PHACTR1: variants seen among roughly 807,000 people sequenced by gnomAD.
PHACTR1 encodes RPEL repeat containing 1.
PHACTR1 carries 16 observed loss-of-function variants against 69.2 expected under a neutral mutation model. That is an observed-to-expected ratio of 0.23 (90% confidence interval 0.16 to 0.35). The LOEUF is 0.35. PHACTR1 is among the 10% of genes least tolerant of loss of function. The pLI is 1.00. For synonymous variants in PHACTR1, 312 were observed against 284.5 expected, an observed-to-expected ratio of 1.10 and a Z score of -0.97; for missense variants, 510 against 734.7, an observed-to-expected ratio of 0.69 and a Z score of 3.54.
chr6:12,809,541 A>G (rs1774788017), intron 4 of PHACTR1, among the ~76,000 whole-genome samples: 1 of 152,032 alleles, frequency 6.6e-6, no homozygotes, highest in Non-Finnish European at 1.5e-5. Context: ...ACAAAACAAA[A>G]CACAACTCTG....
chr6:13,279,946 T>C (rs1779791452), intron 12 of PHACTR1: 1 of 151,972 alleles, frequency 6.6e-6, no homozygotes, highest in Non-Finnish European at 1.5e-5. Flanking sequence ...AAAAAAAAAG[T>C]TGTTTAAATC....
intron 4 of PHACTR1, among the ~76,000 whole-genome samples, chr6:12,986,500 C>G (rs761312641): frequency 3.3e-5 from 5 of 152,154 alleles, no homozygotes; most frequent in Non-Finnish European, 5.9e-5. Flanking sequence ...AGATGAGAAG[C>G]CATACTAATG....
At chr6:13,127,911 G>C (rs1468581782) in intron 5 of PHACTR1, among the ~76,000 whole-genome samples, 1 of 152,012 alleles carries the variant, frequency 6.6e-6, no homozygotes, top group Non-Finnish European at 1.5e-5. Flanking sequence ...AAAGAAGTTT[G>C]ATTGACTCAG....
intron 4 of PHACTR1, among the ~76,000 whole-genome samples, chr6:12,885,875 A>T (rs1384362897): frequency 6.6e-6 from 1 of 152,174 alleles, no homozygotes; most frequent in Non-Finnish European, 1.5e-5. Flanking sequence ...CGGGCGTATC[A>T]CCTGAGGTCA....
At chr6:13,173,472 A>G (rs1317741714) in intron 6 of PHACTR1, among the ~76,000 whole-genome samples, 1 of 152,226 alleles carries the variant, frequency 6.6e-6, no homozygotes, top group Admixed American at 6.5e-5. Flanking sequence ...TGGAGAAAAT[A>G]TCTCCAACAG....
intron 4 of PHACTR1, among the ~76,000 whole-genome samples, chr6:13,049,127 A>G (rs1805549464): frequency 6.6e-6 from 1 of 151,926 alleles, no homozygotes; most frequent in Non-Finnish European, 1.5e-5. Flanking sequence ...GTTCCTTGCC[A>G]CTCTTGGTTT....
intron 5 of PHACTR1, among the ~76,000 whole-genome samples, chr6:13,139,373 C>T (rs1377704129): frequency 6.6e-6 from 1 of 152,124 alleles, no homozygotes; most frequent in Non-Finnish European, 1.5e-5. Flanking sequence ...ACCTGCAAAG[C>T]CTTAAGTATC....
chr6:13,181,744 T>C (rs1161316927), intron 6 of PHACTR1, among the ~76,000 whole-genome samples: 2 of 151,966 alleles, frequency 1.3e-5, no homozygotes, highest in Admixed American at 6.6e-5. Flanking sequence ...TTTATCCAAG[T>C]AGAGAAATTG....
At chr6:12,986,122 C>T (rs999089017) in intron 4 of PHACTR1, among the ~76,000 whole-genome samples, 1 of 152,182 alleles carries the variant, frequency 6.6e-6, no homozygotes, top group African/African-American at 2.4e-5. Flanking sequence ...AGTCATGAGC[C>T]ACCGCGCCTG....
chr6:12,768,995 T>A (rs1462963355), intron 4 of PHACTR1, among the ~76,000 whole-genome samples: 1 of 152,144 alleles, frequency 6.6e-6, no homozygotes, highest in Non-Finnish European at 1.5e-5. Flanking sequence ...CTCACTCATA[T>A]ATAGAGTCTT....
intron 6 of PHACTR1, among the ~76,000 whole-genome samples, chr6:13,172,962 A>G (rs906959713): frequency 4.6e-5 from 7 of 152,246 alleles, no homozygotes; most frequent in African/African-American, 1.7e-4. Context: ...GTTCTTGCAT[A>G]TTGGTCAGAA....
intron 4 of PHACTR1, among the ~76,000 whole-genome samples, chr6:12,920,201 G>A (rs1291732612): frequency 2.0e-5 from 3 of 152,194 alleles, no homozygotes; most frequent in South Asian, 4.1e-4. Flanking sequence ...ACAAAGAGAG[G>A]AGAGATCAAG....
chr6:13,283,672 G>T lies in PHACTR1; in HGVS notation c.1650+110G>T, dbSNP rs776435999. On this transcript the variant is annotated intron_variant, in intron 13 of 14. Coordinates refer to ENST00000332995, the MANE Select transcript of PHACTR1 (RefSeq NM_030948.6). The surrounding 1 kb of genome is among the most constrained non-coding windows in gnomAD (Gnocchi z 4.7). ...GACCTGCAGCCAGGCCTCAGCCGCA[G>T]TCCCCATAATGGAGTGTTGAGACCC... The T allele has an allele frequency of 2.6e-6, 4 of 1,536,096 alleles. No individual in the cohort carries two copies. Among genetic ancestry groups the T allele is most frequent in the Admixed American group, 1.7e-5 (1 of 58,968 alleles).
Position 12,962,138 on chromosome 6 carries a change from G to T in PHACTR1, c.251-91227G>T, listed in dbSNP as rs138191001. ...TTTTGTAGTGACAGAGTCTCGCTAC[G>T]TTATCCAGGCTGGTCTCATACTCCT... On this transcript the variant is annotated intron_variant, in intron 4 of 14. Transcript: ENST00000332995. Among the ~76,000 whole-genome samples the T allele has an allele frequency of 7.2e-4, 109 of 151,966 alleles. 3 individuals carry two copies. In the East Asian group the frequency reaches 0.019, roughly 26 times the overall value.
rs377378689 is a variant in PHACTR1, at chr6:12,762,440, G to A, written c.250+12650G>A. Among the ~76,000 whole-genome samples the A allele has an allele frequency of 1.5e-3, 222 of 152,184 alleles. 1 individual carries two copies. The South Asian group carries it at 0.024, about 16-fold the overall frequency. ...TTTTACTGCATTTGACATAAATAACGCTTGTTTAATAGGCTTTGAGCAAGT... is the reference window on the plus strand; with the variant it reads ...TTTTACTGCATTTGACATAAATAACACTTGTTTAATAGGCTTTGAGCAAGT... On this transcript the variant is annotated intron_variant, in intron 4 of 14. Transcript: ENST00000332995.
At chr6:12,799,021 A>G (rs1421744392) in intron 4 of PHACTR1, among the ~76,000 whole-genome samples, 1 of 151,772 alleles carries the variant, frequency 6.6e-6, no homozygotes, top group Non-Finnish European at 1.5e-5. Context: ...ATCTCTAGGT[A>G]GCAAATGAAA....
At chr6:12,999,910 C>A (rs1026678332) in intron 4 of PHACTR1, among the ~76,000 whole-genome samples, 1 of 152,184 alleles carries the variant, frequency 6.6e-6, no homozygotes, top group South Asian at 2.1e-4. Flanking sequence ...CATTTCTAAA[C>A]CTAAATAATG....
chr6:12,772,442 T>A (rs1350391578), intron 4 of PHACTR1, among the ~76,000 whole-genome samples: 2 of 152,228 alleles, frequency 1.3e-5, no homozygotes, highest in African/African-American at 4.8e-5. Context: ...CAATAAGGAA[T>A]CTATTAAAAA....
At chr6:13,186,368 G>A (rs1370898117) in intron 7 of PHACTR1, among the ~76,000 whole-genome samples, 6 of 152,148 alleles carry the variant, frequency 3.9e-5, no homozygotes, top group Non-Finnish European at 7.4e-5. Flanking sequence ...ATTCCACAAC[G>A]TGATTTTATT....
Sources: allele counts gnomAD v4.1 joint callset (sites outside exome capture counted in the v4.1 genomes callset), GRCh38; gene constraint gnomAD v4.1.1; non-coding constraint Gnocchi (gnomAD v3.1); transcripts MANE v1.5; gene names NCBI Gene and HGNC (gene_info 2026-07-23, HGNC 2026-07-21).